The following GTSE1 variants were observed in gnomAD, a reference collection of about 807,000 sequenced individuals.
GTSE1 encodes G2 and S-phase expressed 1.
A neutral mutation model predicts 60.5 loss-of-function variants in GTSE1; 52 were observed. The ratio of observed to expected loss-of-function variants is 0.86; its 90% confidence interval spans 0.69 to 1.08. GTSE1 has a LOEUF of 1.08. Among genes scored for constraint, GTSE1 ranks in the 50% least tolerant of loss-of-function variants. The pLI is 0.00. For missense variants in GTSE1, 937 were observed against 961.8 expected, an observed-to-expected ratio of 0.97 and a Z score of 0.34; for synonymous variants, 368 against 386.5, an observed-to-expected ratio of 0.95 and a Z score of 0.56.
At chr22:46,312,713 G>T (rs1039601950) in intron 5 of GTSE1, among the ~76,000 whole-genome samples, 8 of 151,656 alleles carry the variant, frequency 5.3e-5, no homozygotes, top group Admixed American at 5.3e-4. Context: ...TACATGCAAA[G>T]AATACTGGCT....
In GTSE1 at chr22:46,317,552, A is replaced by G. The variant is rs1363861763; in HGVS notation, c.1432+1140A>G. Among the ~76,000 whole-genome samples the G allele has an allele frequency of 2.6e-5, 4 of 152,002 alleles. No individual in the cohort carries two copies. Among genetic ancestry groups the G allele is most frequent in the Non-Finnish European group, 5.9e-5 (4 of 67,994 alleles). On this transcript the variant is annotated intron_variant, in intron 7 of 11. Coordinates refer to ENST00000454366, the MANE Select transcript of GTSE1 (RefSeq NM_016426.7). The surrounding 1 kb of genome is among the most constrained non-coding windows in gnomAD (Gnocchi z 5.6). ...GTTTTGGCCTCATTTTCCTGCCTCT[A>G]CATTTTTCACAAGTTTTTCTTGGTT...
rs2077787042 is a variant in GTSE1, at chr22:46,317,280, T to G, written c.1432+868T>G. Reference sequence around the variant, plus strand: ...CCGTGCCCGGCCCAGCCTTTTTCCTTGAGCTACAGTTTGGGTAGTTTCTGT... The same window carrying G: ...CCGTGCCCGGCCCAGCCTTTTTCCTGGAGCTACAGTTTGGGTAGTTTCTGT... On this transcript the variant is annotated intron_variant, in intron 7 of 11. Coordinates refer to ENST00000454366, the MANE Select transcript of GTSE1 (RefSeq NM_016426.7). The surrounding 1 kb of genome is among the most constrained non-coding windows in gnomAD (Gnocchi z 5.6). Among the ~76,000 whole-genome samples the G allele has an allele frequency of 1.3e-5, 2 of 152,216 alleles. No homozygotes were observed. The highest frequency in any genetic ancestry group is 2.9e-5 in the Non-Finnish European group (2 of 68,038).
rs929199502 is a variant in GTSE1, at chr22:46,324,550, G to A, written c.1505+1288G>A. Reference sequence around the variant, plus strand: ...GCCCGGCTAAGTTTTTGTATTTTTAGTAGAGACGGGGTTTCACCGTGTTAG... The same window carrying A: ...GCCCGGCTAAGTTTTTGTATTTTTAATAGAGACGGGGTTTCACCGTGTTAG... On this transcript the variant is annotated intron_variant, in intron 8 of 11. Transcript: ENST00000454366. The surrounding 1 kb of genome is among the most constrained non-coding windows in gnomAD (Gnocchi z 5.2). Among the ~76,000 whole-genome samples the A allele has an allele frequency of 2.0e-5, 3 of 152,016 alleles. No homozygotes were observed. The highest frequency in any genetic ancestry group is 7.3e-5 in the African/African-American group (3 of 41,358).
rs1010150569 is a variant in GTSE1, at chr22:46,297,536, G to A, written c.79+57G>A. On this transcript the variant is annotated intron_variant, in intron 2 of 11. Transcript: ENST00000454366. This position sits in a 1 kb window ranked among gnomAD's most constrained non-coding sequence, Gnocchi z 4.9. ...TTCAGGATGTTCAGTAGAGATGGAG[G>A]GTGATTTAATGTTTCCCTGAGAAAT... 2.0e-5 allele frequency: 24 copies of A among 1,193,012 alleles called. No homozygotes were observed. Among genetic ancestry groups the A allele is most frequent in the Non-Finnish European group, 2.8e-5 (23 of 811,750 alleles). 73.9% of individuals were successfully genotyped at this position (1,193,012 alleles called of 1,614,324 possible).
rs1449652948 is a variant in GTSE1, at chr22:46,318,411, G to A, written c.1432+1999G>A. The stretch of plus-strand genomic sequence containing the variant: ...GTGCTGGAATGCTTTGGGGGACAAG[G>A]GACATCATGATAAGACAGACCTACT... On this transcript the variant is annotated intron_variant, in intron 7 of 11. Transcript: ENST00000454366. The surrounding 1 kb of genome is among the most constrained non-coding windows in gnomAD (Gnocchi z 4.8). Among the ~76,000 whole-genome samples the A allele has an allele frequency of 1.3e-5, 2 of 152,116 alleles. No individual in the cohort carries two copies. The highest frequency in any genetic ancestry group is 1.5e-5 in the Non-Finnish European group (1 of 68,028).
rs1020960896 is a variant in GTSE1, at chr22:46,329,462, A to G, written c.2031A>G (p.Glu677=). ...TCATCGACTTCTGCGATACCCCAGA[A>G]GCACACGTGGCTGTAGGATCTGAAA... The part of the protein sequence containing the change: ...LPLIDFCDTP[E]AHVAVGSESR... The change falls in exon 11 of 12, where the codon GAA becomes GAG. Residue 677 remains glutamate (E), a synonymous_variant. Coordinates refer to ENST00000454366, the MANE Select transcript of GTSE1 (RefSeq NM_016426.7). The surrounding 1 kb of genome is among the most constrained non-coding windows in gnomAD (Gnocchi z 6.4). The G allele has an allele frequency of 1.2e-6, 2 of 1,614,152 alleles. No individual in the cohort carries two copies. The highest frequency in any genetic ancestry group is 8.5e-7 in the Non-Finnish European group (1 of 1,180,002).
chr22:46,328,552 CTGGAGGGTGA>C, intron 9 of GTSE1, 126 bp from the exon 10 acceptor site: 1 of 636,756 alleles, frequency 1.6e-6, no homozygotes, highest in Admixed American at 2.6e-5. Context: ...AACTGGGGGT[CTGGAGGGTGA>C]AGGCCCTAGA....
rs768420011 is a variant in GTSE1 at position 46,316,074 on chromosome 22, G to A, written c.1094G>A (p.Arg365Gln). 35 of 1,531,410 alleles carry A rather than the reference G, an allele frequency of 2.3e-5. No individual in the cohort carries two copies. Among genetic ancestry groups the A allele is most frequent in the Middle Eastern group, 3.5e-4 (2 of 5,720 alleles). 94.9% of individuals were successfully genotyped at this position (1,531,410 alleles called of 1,614,324 possible). ...GCAAGTATTCCTGCAAATAGCTCCC[G>A]GCCTCTGTCAAACATCAGCAAGTCA... ...EFASIPANSS[R>Q]PLSNISKSGR... The change falls in exon 7 of 12, where the codon CGG (arginine) becomes CAG (glutamine). Residue 365 changes from arginine to glutamine, a missense_variant. Coordinates refer to ENST00000454366, the MANE Select transcript of GTSE1 (RefSeq NM_016426.7). This position sits in a 1 kb window ranked among gnomAD's most constrained non-coding sequence, Gnocchi z 5.0.
chr22:46,322,026 A>G (rs1157857858), intron 7 of GTSE1, among the ~76,000 whole-genome samples: 1 of 148,332 alleles, frequency 6.7e-6, no homozygotes, highest in Non-Finnish European at 1.5e-5. Context: ...GTAAGCCGAG[A>G]TCATGCCACT....
Position 46,308,935 on chromosome 22 carries a change from G to A in GTSE1, c.754G>A (p.Ala252Thr). The change falls in exon 4 of 12, where the codon GCG (alanine) becomes ACG (threonine). Residue 252 changes from alanine (A) to threonine (T), a missense_variant. By Grantham distance (58) the Ala-to-Thr change is moderately conservative. Coordinates refer to ENST00000454366, the MANE Select transcript of GTSE1 (RefSeq NM_016426.7). The part of the protein sequence containing the change: ...SVRGRSIPGA[A>T]EKPKKEIPAS... ...TAGAGGAAGAAGCATCCCTGGGGCT[G>A]CGGAGAAGGTAAATGCCACAGCAGA... is the stretch of plus-strand genomic sequence containing the variant. 1 of 1,609,206 alleles carries A rather than the reference G, an allele frequency of 6.2e-7. No homozygotes were observed. The highest frequency in any genetic ancestry group is 8.5e-7 in the Non-Finnish European group (1 of 1,177,394).
chr22:46,307,061 G>A (rs1403527444), intron 2 of GTSE1, among the ~76,000 whole-genome samples: 1 of 152,164 alleles, frequency 6.6e-6, no homozygotes, highest in African/African-American at 2.4e-5. Flanking sequence ...CGGGGAGCTG[G>A]AGGAGGGAGC....
In GTSE1 at chr22:46,325,390, G is replaced by T. The variant is rs150315230; in HGVS notation, c.1506-1046G>T. 9.9e-4 allele frequency among the ~76,000 whole-genome samples: 150 copies of T among 152,244 alleles called. 2 individuals carry two copies. The East Asian group carries it at 0.028, about 28-fold the overall frequency. On this transcript the variant is annotated intron_variant, in intron 8 of 11. Transcript: ENST00000454366. The stretch of plus-strand genomic sequence containing the variant: ...TTTTTGTATTTTTAGTAGAGATGGG[G>T]TTTCACCGTGTTAGCCAGGATGGTC...
chr22:46,314,765 A>G lies in GTSE1; in HGVS notation c.1051+752A>G, dbSNP rs571981195. Reference sequence around the variant, plus strand: ...GTGGCGGGTGCCTGTAGTCCCAGCTACTCGGGAGACTGGGCCACGAGAATG... The same window carrying G: ...GTGGCGGGTGCCTGTAGTCCCAGCTGCTCGGGAGACTGGGCCACGAGAATG... On this transcript the variant is annotated intron_variant, in intron 6 of 11. Coordinates refer to ENST00000454366, the MANE Select transcript of GTSE1 (RefSeq NM_016426.7). This position sits in a 1 kb window ranked among gnomAD's most constrained non-coding sequence, Gnocchi z 7.1. 2.0e-5 allele frequency among the ~76,000 whole-genome samples: 3 copies of G among 149,932 alleles called. No homozygotes were observed. In the South Asian group the frequency reaches 6.4e-4, roughly 32 times the overall value.
At position 46,317,164 on chromosome 22, in the gene GTSE1, G is replaced by A. The variant is rs1364375039; in HGVS notation, c.1432+752G>A. Among the ~76,000 whole-genome samples the A allele has an allele frequency of 6.6e-6, 1 of 151,742 alleles. No homozygotes were observed. The highest frequency in any genetic ancestry group is 1.9e-4 in the East Asian group (1 of 5,170). On this transcript the variant is annotated intron_variant, in intron 7 of 11. Transcript: ENST00000454366. The surrounding 1 kb of genome is among the most constrained non-coding windows in gnomAD (Gnocchi z 5.6). Reference sequence around the variant, plus strand: ...GTATTTTTGGTAGAGACGGGGTTTCGCCATGTTGGCCAGGCTGGTCTGGAA... The same window carrying A: ...GTATTTTTGGTAGAGACGGGGTTTCACCATGTTGGCCAGGCTGGTCTGGAA...
intron 5 of GTSE1, among the ~76,000 whole-genome samples, chr22:46,312,638 CA>C (rs60392526): frequency 0.084 from 4,994 of 59,782 alleles, 227 homozygotes; most frequent in African/African-American, 0.22. Context: ...GACCCTGTCT[CA>C]AAAAAAAAAA....
rs948227472 is a variant in GTSE1, at chr22:46,318,031, C to A, written c.1432+1619C>A. On this transcript the variant is annotated intron_variant, in intron 7 of 11. Coordinates refer to ENST00000454366, the MANE Select transcript of GTSE1 (RefSeq NM_016426.7). The surrounding 1 kb of genome is among the most constrained non-coding windows in gnomAD (Gnocchi z 4.8). ...GAGCTCGTTCTGTCGGAGTAGCCCC[C>A]TCCTCTCTAGTTTCTGGCCCTCAGA... is the stretch of plus-strand genomic sequence containing the variant. Among the ~76,000 whole-genome samples, 9 of 152,262 alleles carry A rather than the reference C, an allele frequency of 5.9e-5. No homozygotes were observed. Among genetic ancestry groups the A allele is most frequent in the African/African-American group, 2.2e-4 (9 of 41,472 alleles).
At chr22:46,315,902 G>A in intron 6 of GTSE1, 130 bp from the exon 7 acceptor site, 1 of 696,064 alleles carries the variant, frequency 1.4e-6, no homozygotes, top group Non-Finnish European at 2.3e-6. Flanking sequence ...GTTGCCTGAA[G>A]GGCTTATAGA....
In GTSE1 at chr22:46,297,494, C is replaced by G; in HGVS notation, c.79+15C>G. Reference sequence around the variant, plus strand: ...TAAGAAGGAAGGCAAGTCCTTGCTGCTGCGGCGCTGTTGTTGTTCAGGATG... The same window carrying G: ...TAAGAAGGAAGGCAAGTCCTTGCTGGTGCGGCGCTGTTGTTGTTCAGGATG... On this transcript the variant is annotated intron_variant, in intron 2 of 11. Coordinates refer to ENST00000454366, the MANE Select transcript of GTSE1 (RefSeq NM_016426.7). This position sits in a 1 kb window ranked among gnomAD's most constrained non-coding sequence, Gnocchi z 4.9. The G allele has an allele frequency of 6.4e-7, 1 of 1,566,198 alleles. No homozygotes were observed. Among genetic ancestry groups the G allele is most frequent in the Non-Finnish European group, 8.8e-7 (1 of 1,137,136 alleles).
intron 9 of GTSE1, 168 bp downstream of exon 9, chr22:46,326,822 G>A: frequency 1.8e-6 from 1 of 547,388 alleles, no homozygotes; most frequent in Non-Finnish European, 3.2e-6. Context: ...ATAGACATGA[G>A]CATAGAGGAA....
Sources: allele counts gnomAD v4.1 joint callset (sites outside exome capture counted in the v4.1 genomes callset), GRCh38; gene constraint gnomAD v4.1.1; non-coding constraint Gnocchi (gnomAD v3.1); transcripts MANE v1.5; gene names NCBI Gene and HGNC (gene_info 2026-07-23, HGNC 2026-07-21).